CMYA5: variants seen among roughly 807,000 people sequenced by gnomAD.
CMYA5 encodes cardiomyopathy-associated protein 5.
A neutral mutation model predicts 318.9 loss-of-function variants in CMYA5; 246 were observed. The observed-to-expected ratio is 0.77, with a 90% CI of 0.70 to 0.86. The LOEUF is 0.86. Among genes scored for constraint, CMYA5 ranks in the 40% least tolerant of loss-of-function variants. The probability of loss-of-function intolerance (pLI) is 0.00; values close to 1 mark genes in which losing one functional copy is unlikely to be tolerated. For missense variants in CMYA5, 4,589 were observed against 4,678.2 expected, an observed-to-expected ratio of 0.98 and a Z score of 0.56; for synonymous variants, 1,641 against 1,729.5, an observed-to-expected ratio of 0.95 and a Z score of 1.27.
At position 79,731,075 on chromosome 5, in the gene CMYA5, T is replaced by G; in HGVS notation, c.2310T>G (p.Pro770=). 2 of 1,613,960 alleles carry G rather than the reference T, an allele frequency of 1.2e-6. No individual in the cohort carries two copies. The highest frequency in any genetic ancestry group is 1.7e-6 in the Non-Finnish European group (2 of 1,179,876). ...CTTCTGAATGCCAGTCACCACTGCC[T>G]TCTACTGCCACATCAGAACACGTGG... ...EKTSECQSPL[P]STATSEHVVP... Residue 770 remains proline, a synonymous_variant, in exon 2 of 13, where the codon CCT becomes CCG. Coordinates refer to ENST00000446378, the MANE Select transcript of CMYA5 (RefSeq NM_153610.5).
In CMYA5 at chr5:79,732,877, A is replaced by G. The variant is rs1827950611; in HGVS notation, c.4112A>G (p.Glu1371Gly). ...TCAAACTTAACCAGAGCAGTAAAAGAAGAAATCCCAACAGATTCATCTCTT... is the reference window on the plus strand; with the variant it reads ...TCAAACTTAACCAGAGCAGTAAAAGGAGAAATCCCAACAGATTCATCTCTT... Reference protein sequence around the residue: ...LDSNLTRAVKEEIPTDSSLIT... With the variant: ...LDSNLTRAVKGEIPTDSSLIT... The change falls in exon 2 of 13, where the codon GAA becomes GGA. Residue 1371 changes from glutamate (E) to glycine (G), a missense_variant. Around this residue, in one of 3 missense-constraint regions of CMYA5, gnomAD observed 2,132 missense variants for 2,131.3 expected, o/e 1.00. Transcript: ENST00000446378. 6.2e-7 allele frequency: 1 copy of G among 1,613,692 alleles called. No individual in the cohort carries two copies. The highest frequency in any genetic ancestry group is 1.1e-5 in the South Asian group (1 of 91,052).
At chr5:79,745,490 C>CG in intron 4 of CMYA5, 35 bp downstream of exon 4, 1 of 1,369,644 alleles carries the variant, frequency 7.3e-7, no homozygotes, top group Non-Finnish European at 1.0e-6. Context: ...AAACACCTTG[C>CG]GCCCACTCTG....
chr5:79,790,295 A>C, intron 10 of CMYA5, among the ~76,000 whole-genome samples: 1 of 149,060 alleles, frequency 6.7e-6, no homozygotes, highest in Non-Finnish European at 1.5e-5. Context: ...TCTCGAATGG[A>C]GTCTTGCTCT....
chr5:79,753,532 T>G (rs1828470610), intron 6 of CMYA5, among the ~76,000 whole-genome samples: 1 of 152,088 alleles, frequency 6.6e-6, no homozygotes, highest in Admixed American at 6.6e-5. Context: ...GAGGATCACT[T>G]GAGCCTAAGG....
rs35928567 is a variant in CMYA5, at chr5:79,730,611, G to T, written c.1846G>T (p.Val616Phe). The change falls in exon 2 of 13, where the codon GTT becomes TTT. Residue 616 changes from valine to phenylalanine, a missense_variant. Physicochemically the swap from Val to Phe is conservative, Grantham distance 50. Coordinates refer to ENST00000446378, the MANE Select transcript of CMYA5 (RefSeq NM_153610.5). ...ATTACAGGAGCAAGAAGGTGAGCCA[G>T]TTCCCCCATCCAATGTAGAAGCTAT... ...HELQEQEGEP[V>F]PPSNVEAIAE... The T allele has an allele frequency of 1.2e-6, 2 of 1,613,902 alleles. No homozygotes were observed. The highest frequency in any genetic ancestry group is 1.7e-5 in the Admixed American group (1 of 59,998).
In CMYA5 at chr5:79,761,937, A is replaced by C; in HGVS notation, c.11387A>C (p.Glu3796Ala). Residue 3796 changes from glutamate to alanine, a missense_variant, in exon 8 of 13, where the codon GAA becomes GCA. Coordinates refer to ENST00000446378, the MANE Select transcript of CMYA5 (RefSeq NM_153610.5). ...VNFTGCSLPS[E>A]RAIFRTAPST... Reference sequence around the variant, plus strand: ...TTCACTGGATGTAGCCTGCCCAGTGAAAGGGCCATCTTTAGGACAGGTAAG... The same window carrying C: ...TTCACTGGATGTAGCCTGCCCAGTGCAAGGGCCATCTTTAGGACAGGTAAG... The C allele has an allele frequency of 2.5e-6, 4 of 1,613,538 alleles. No homozygotes were observed. The highest frequency in any genetic ancestry group is 3.4e-6 in the Non-Finnish European group (4 of 1,179,748).
Position 79,738,280 on chromosome 5 carries a change from C to T in CMYA5, c.9515C>T (p.Pro3172Leu), listed in dbSNP as rs754614873. ...EGVLSRTQIF[P>L]TTIKVIDPEF... ...GTTCTATCACGAACCCAGATATTTC[C>T]TACCACTATTAAAGTCATTGATCCA... The change falls in exon 2 of 13, where the codon CCT (proline) becomes CTT (leucine). Residue 3172 changes from proline to leucine, a missense_variant. Pro to Leu is a moderately conservative substitution (Grantham distance 98). This residue lies in a region of CMYA5 where 2,431 missense variants were observed against 2,495.1 expected (regional missense o/e 0.97). Transcript: ENST00000446378. 45 of 1,613,318 alleles carry T rather than the reference C, an allele frequency of 2.8e-5. No homozygotes were observed. Among genetic ancestry groups the T allele is most frequent in the Non-Finnish European group, 3.7e-5 (44 of 1,179,766 alleles).
chr5:79,755,656 G>A (rs943707582), intron 6 of CMYA5, among the ~76,000 whole-genome samples: 1 of 152,138 alleles, frequency 6.6e-6, no homozygotes, highest in African/African-American at 2.4e-5. Flanking sequence ...GGTCTCTGAT[G>A]TTGTTCTACC....
At position 79,786,213 on chromosome 5, in the gene CMYA5, C is replaced by T. The variant is rs113469452; in HGVS notation, c.11556-2758C>T. On this transcript the variant is annotated intron_variant, in intron 9 of 12. Transcript: ENST00000446378. ...CTGGAGCTTATCATCCACCAGCAAT[C>T]GACTTCATGGCTGCTGCTCAGAGGC... 8.5e-5 allele frequency among the ~76,000 whole-genome samples: 13 copies of T among 152,312 alleles called. No homozygotes were observed. In the East Asian group the frequency reaches 9.6e-4, roughly 11 times the overall value.
intron 1 of CMYA5, among the ~76,000 whole-genome samples, chr5:79,720,583 T>C (rs982530810): frequency 6.6e-6 from 1 of 151,966 alleles, no homozygotes; most frequent in Non-Finnish European, 1.5e-5. Flanking sequence ...ATTACAGGCA[T>C]GCACCACCAT....
chr5:79,754,347 G>A (rs778345482), intron 6 of CMYA5, among the ~76,000 whole-genome samples: 2 of 152,150 alleles, frequency 1.3e-5, no homozygotes, highest in African/African-American at 4.8e-5. Flanking sequence ...TTTATTCCAT[G>A]CTTATACGAT....
intron 6 of CMYA5, among the ~76,000 whole-genome samples, chr5:79,756,572 C>T (rs1015423275): frequency 2.0e-5 from 3 of 152,154 alleles, no homozygotes; most frequent in African/African-American, 7.2e-5. Flanking sequence ...TGGTGTTTAA[C>T]CTTGGGCCAG....
In CMYA5 at chr5:79,758,162, G is replaced by A. The variant is rs1009829239; in HGVS notation, c.11111-591G>A. Among the ~76,000 whole-genome samples, 9 of 150,894 alleles carry A rather than the reference G, an allele frequency of 6.0e-5. No homozygotes were observed. The South Asian group carries it at 1.0e-3, about 18-fold the overall frequency. On this transcript the variant is annotated intron_variant, in intron 6 of 12. Transcript: ENST00000446378. ...GGAGAATTGCTTGAACCCGGGAGGC[G>A]GAGGTTGCAGTCAGCCAAGATTGCG...
chr5:79,743,677 G>A (rs922345662), intron 2 of CMYA5, 150 bp from the exon 3 acceptor site: 19 of 466,562 alleles, frequency 4.1e-5, no homozygotes, highest in African/African-American at 3.6e-4. Flanking sequence ...AGATGAGGCA[G>A]TAAAGAAAAT....
At chr5:79,721,512 A>T (rs1277844068) in intron 1 of CMYA5, among the ~76,000 whole-genome samples, 1 of 152,180 alleles carries the variant, frequency 6.6e-6, no homozygotes, top group Non-Finnish European at 1.5e-5. Context: ...GTCAGAATGG[A>T]TTTTTTAAAA....
At chr5:79,712,584 C>G (rs984900856) in intron 1 of CMYA5, among the ~76,000 whole-genome samples, 1 of 151,966 alleles carries the variant, frequency 6.6e-6, no homozygotes, top group African/African-American at 2.4e-5. Context: ...GGTATATGGA[C>G]AAACCCCGAT....
intron 11 of CMYA5, 42 bp from the exon 12 acceptor site, chr5:79,793,395 C>A: frequency 6.4e-7 from 1 of 1,561,592 alleles, no homozygotes; most frequent in African/African-American, 1.3e-5. Context: ...TACAGGCCGG[C>A]GATTCCTGCA....
At chr5:79,747,036 T>TTC in intron 4 of CMYA5, 55 bp from the exon 5 acceptor site, 1 of 1,057,410 alleles carries the variant, frequency 9.5e-7, no homozygotes. Flanking sequence ...CTCTCTCTCT[T>TTC]TCTCTCTCTC....
chr5:79,723,969 T>G (rs972215439), intron 1 of CMYA5, among the ~76,000 whole-genome samples: 5 of 152,118 alleles, frequency 3.3e-5, no homozygotes, highest in African/African-American at 1.2e-4. Flanking sequence ...CACTGTAATT[T>G]ATCACATTAA....
Sources: allele counts gnomAD v4.1 joint callset (sites outside exome capture counted in the v4.1 genomes callset), GRCh38; gene constraint gnomAD v4.1.1; regional missense constraint gnomAD v4.1.1; transcripts MANE v1.5; gene names NCBI Gene and HGNC (gene_info 2026-07-23, HGNC 2026-07-21).